Variants in SPEN observed in about 807,000 individuals in gnomAD.
SPEN encodes msx2-interacting protein.
Under a neutral mutation model 269.9 loss-of-function variants are expected in SPEN, and 18 were observed. That is an observed-to-expected ratio of 0.07 (90% CI 0.05 to 0.10). SPEN has a LOEUF of 0.10. Ranked by LOEUF, SPEN falls within the 10% of genes least tolerant of loss-of-function variation. The pLI is 1.00. For missense variants in SPEN, 3,822 were observed against 4,631.2 expected, an observed-to-expected ratio of 0.83 and a Z score of 5.07; for synonymous variants, 1,726 against 1,765.7, an observed-to-expected ratio of 0.98 and a Z score of 0.56.
chr1:15,927,288 G>T (rs995593684), intron 10 of SPEN, among the ~76,000 whole-genome samples: 2 of 152,290 alleles, frequency 1.3e-5, no homozygotes, highest in African/African-American at 4.8e-5. Context: ...CAGCCTGGGG[G>T]AAAGTGACAA....
Position 15,934,236 on chromosome 1 carries a change from A to C in SPEN, c.7996A>C (p.Asn2666His). 6.2e-7 allele frequency: 1 copy of C among 1,614,256 alleles called. No homozygotes were observed. Among genetic ancestry groups the C allele is most frequent in the South Asian group, 1.1e-5 (1 of 91,082 alleles). ...GLVNVSLVPV[N>H]ALKGPVKGSV... ...GGTGAACGTCTCCCTGGTCCCGGTGAATGCCCTGAAAGGCCCCGTGAAGGG... is the reference window on the plus strand; with the variant it reads ...GGTGAACGTCTCCCTGGTCCCGGTGCATGCCCTGAAAGGCCCCGTGAAGGG... The change falls in exon 11 of 15, where the codon AAT (asparagine) becomes CAT (histidine). Residue 2666 changes from asparagine to histidine, a missense_variant. By Grantham distance (68) the Asn-to-His change is moderately conservative. Transcript: ENST00000375759. The surrounding 1 kb of genome is among the most constrained non-coding windows in gnomAD (Gnocchi z 9.2).
In SPEN at chr1:15,932,521, A is replaced by G; in HGVS notation, c.6281A>G (p.Lys2094Arg). 11 of 1,601,358 alleles carry G rather than the reference A, an allele frequency of 6.9e-6. No homozygotes were observed. The highest frequency in any genetic ancestry group is 9.4e-6 in the Non-Finnish European group (11 of 1,172,180). The part of the protein sequence containing the change: ...RLAVDKSASL[K>R]NVDAAVSPRG... ...GCAGTGGACAAATCTGCAAGTCTGA[A>G]AAATGTGGATGCTGCTGTCAGTCCC... Residue 2094 changes from lysine (K) to arginine (R), a missense_variant, in exon 11 of 15, where the codon AAA becomes AGA. Physicochemically the swap from Lys to Arg is conservative, Grantham distance 26 (BLOSUM62 2). This residue lies in a region of SPEN where 727 missense variants were observed against 737.9 expected (regional missense o/e 0.99). Transcript: ENST00000375759. This position sits in a 1 kb window ranked among gnomAD's most constrained non-coding sequence, Gnocchi z 4.2.
intron 5 of SPEN, 44 bp downstream of exon 5, chr1:15,911,345 CTGTT>C (rs779975172): frequency 3.4e-5 from 52 of 1,519,718 alleles, no homozygotes; most frequent in Non-Finnish European, 3.8e-5. Flanking sequence ...ATCACACACA[CTGTT>C]TGTGTTGCAG....
chr1:15,921,007 A>C, intron 9 of SPEN, 24 bp downstream of exon 9: 1 of 1,429,200 alleles, frequency 7.0e-7, no homozygotes, highest in Non-Finnish European at 9.8e-7. Flanking sequence ...CTTTAAACAG[A>C]AGCAAAACAA....
chr1:15,905,213 T>TTTTTA (rs1167712179), intron 3 of SPEN, among the ~76,000 whole-genome samples: 4 of 150,980 alleles, frequency 2.6e-5, no homozygotes, highest in East Asian at 1.9e-4. Flanking sequence ...TTTATTTTTA[T>TTTTTA]TTTTATTTTA....
chr1:15,924,883 G>T (rs2071152160), intron 10 of SPEN, among the ~76,000 whole-genome samples: 1 of 152,188 alleles, frequency 6.6e-6, no homozygotes, highest in Admixed American at 6.5e-5. Flanking sequence ...GAGGGTGTGG[G>T]ACTTCACTGT....
intron 3 of SPEN, among the ~76,000 whole-genome samples, chr1:15,882,401 C>G (rs2070695252): frequency 6.6e-6 from 1 of 152,144 alleles, no homozygotes; most frequent in African/African-American, 2.4e-5. Flanking sequence ...GTGGCTCACA[C>G]CTGTAATCCC....
intron 5 of SPEN, among the ~76,000 whole-genome samples, chr1:15,914,488 A>G (rs949909578): frequency 3.3e-5 from 5 of 152,218 alleles, no homozygotes; most frequent in Non-Finnish European, 5.9e-5. Flanking sequence ...GCTTCAGAGA[A>G]AGGCTATGAT....
At position 15,928,863 on chromosome 1, in the gene SPEN, A is replaced by G. The variant is rs776889298; in HGVS notation, c.2623A>G (p.Met875Val). The G allele has an allele frequency of 1.4e-5, 23 of 1,614,064 alleles. No homozygotes were observed. The highest frequency in any genetic ancestry group is 1.9e-5 in the Non-Finnish European group (23 of 1,180,026). ...EGIAKNRLEL[M>V]PCVVLTRVKE... ...AATAGCGAAAAACCGCCTGGAACTCATGCCTTGCGTGGTTTTGACTCGAGT... is the reference window on the plus strand; with the variant it reads ...AATAGCGAAAAACCGCCTGGAACTCGTGCCTTGCGTGGTTTTGACTCGAGT... The change falls in exon 11 of 15, where the codon ATG (methionine) becomes GTG (valine). Residue 875 changes from methionine to valine, a missense_variant. This residue lies in a region of SPEN where 572 missense variants were observed against 582.6 expected (regional missense o/e 0.98). Coordinates refer to ENST00000375759, the MANE Select transcript of SPEN (RefSeq NM_015001.3). The surrounding 1 kb of genome is among the most constrained non-coding windows in gnomAD (Gnocchi z 5.7).
intron 1 of SPEN, among the ~76,000 whole-genome samples, chr1:15,851,627 C>A (rs549686422): frequency 6.6e-6 from 1 of 152,296 alleles, no homozygotes; most frequent in East Asian, 1.9e-4. Context: ...CCATCCATCT[C>A]CAGTTTTAGA....
intron 1 of SPEN, among the ~76,000 whole-genome samples, chr1:15,870,938 G>GA (rs1380131780): frequency 6.6e-6 from 1 of 152,132 alleles, no homozygotes; most frequent in Non-Finnish European, 1.5e-5. Flanking sequence ...TGAGGCTAGG[G>GA]ATCTATGTTT....
intron 3 of SPEN, among the ~76,000 whole-genome samples, chr1:15,893,142 T>G (rs556969686): frequency 2.0e-5 from 3 of 152,346 alleles, no homozygotes; most frequent in African/African-American, 7.2e-5. Flanking sequence ...CTGATGATCA[T>G]TTTTAAGTGA....
intron 10 of SPEN, among the ~76,000 whole-genome samples, chr1:15,927,490 C>T (rs2071179635): frequency 6.6e-6 from 1 of 152,192 alleles, no homozygotes; most frequent in Non-Finnish European, 1.5e-5. Context: ...CAGTATCATA[C>T]AGGTCATATA....
rs2071321381 is a variant in SPEN at position 15,939,824 on chromosome 1, T to C, written c.*397T>C. 1 of 236,460 alleles carries C rather than the reference T, an allele frequency of 4.2e-6. No individual in the cohort carries two copies. The highest frequency in any genetic ancestry group is 6.0e-5 in the East Asian group (1 of 16,642). The allele number at this position is 236,460 out of a possible 1,614,324, so 14.6% of individuals were successfully genotyped here. Reference sequence around the variant, plus strand: ...GGACTTTTGCCCAGTGAAGACAGGCTGTGACACTCTGGATGTCTTGGTGTG... The same window carrying C: ...GGACTTTTGCCCAGTGAAGACAGGCCGTGACACTCTGGATGTCTTGGTGTG... On this transcript the variant is annotated 3_prime_UTR_variant, in exon 15 of 15. Transcript: ENST00000375759. The surrounding 1 kb of genome is among the most constrained non-coding windows in gnomAD (Gnocchi z 4.1).
intron 3 of SPEN, among the ~76,000 whole-genome samples, chr1:15,887,225 C>T (rs1404414803): frequency 6.7e-6 from 1 of 150,132 alleles, no homozygotes; most frequent in African/African-American, 2.5e-5. Flanking sequence ...ATCCGCTTGC[C>T]TTTGCCTCCC....
rs2148746550 is a variant in SPEN at position 15,939,938 on chromosome 1, T to C, written c.*511T>C. ...GTCAAGGAACATTTCATTGGTTTTT[T>C]TTGTCCACCCCCATCTCCCTTGCTC... is the stretch of plus-strand genomic sequence containing the variant. On this transcript the variant is annotated 3_prime_UTR_variant, in exon 15 of 15. Transcript: ENST00000375759. This position sits in a 1 kb window ranked among gnomAD's most constrained non-coding sequence, Gnocchi z 4.1. 1 of 233,090 alleles carries C rather than the reference T, an allele frequency of 4.3e-6. No homozygotes were observed. Among genetic ancestry groups the C allele is most frequent in the African/African-American group, 2.2e-5 (1 of 45,364 alleles). The allele number at this position is 233,090 out of a possible 1,614,324, so 14.4% of individuals were successfully genotyped here.
chr1:15,872,220 C>T, intron 1 of SPEN, among the ~76,000 whole-genome samples: 1 of 97,786 alleles, frequency 1.0e-5, no homozygotes, highest in African/African-American at 4.8e-5. Context: ...GAGACTCTGT[C>T]TCAAAAAAAA....
In SPEN at chr1:15,918,775, ACCAT is replaced by A. The variant is rs1266706785; in HGVS notation, c.1396-150_1396-147del. ...ATGTTTTATAGCAAACTAGTAACTTACCATTGTATTAAGGTGTACAGTTTTTTTA... is the reference window on the plus strand; with the variant it reads ...ATGTTTTATAGCAAACTAGTAACTTATGTATTAAGGTGTACAGTTTTTTTA... On this transcript the variant is annotated intron_variant, in intron 6 of 14. Transcript: ENST00000375759. 8.9e-6 allele frequency: 5 copies of A among 564,292 alleles called. No homozygotes were observed. In the African/African-American group the frequency reaches 9.6e-5, roughly 11 times the overall value. The allele number at this position is 564,292 out of a possible 1,614,324, so 35.0% of individuals were successfully genotyped here.
At chr1:15,916,699 G>T (rs1048091084) in intron 6 of SPEN, among the ~76,000 whole-genome samples, 2 of 151,830 alleles carry the variant, frequency 1.3e-5, no homozygotes, top group African/African-American at 4.8e-5. Context: ...TTTTTGTAGA[G>T]GTGGTGTTTT....
Sources: allele counts gnomAD v4.1 joint callset (sites outside exome capture counted in the v4.1 genomes callset), GRCh38; gene constraint gnomAD v4.1.1; regional missense constraint gnomAD v4.1.1; non-coding constraint Gnocchi (gnomAD v3.1); transcripts MANE v1.5; gene names NCBI Gene and HGNC (gene_info 2026-07-23, HGNC 2026-07-21).